Variants in SLC39A10 observed in about 807,000 individuals in gnomAD.
SLC39A10 encodes the protein zinc transporter ZIP10.
A neutral mutation model predicts 65.1 loss-of-function variants in SLC39A10; 13 were observed. The ratio of observed to expected loss-of-function variants is 0.20; its 90% CI spans 0.13 to 0.32. SLC39A10 has a LOEUF of 0.32. Among genes scored for constraint, SLC39A10 ranks in the 10% least tolerant of loss-of-function variants. The pLI, the probability that SLC39A10 is intolerant of heterozygous loss-of-function variation, is 1.00. For missense variants in SLC39A10, 831 were observed against 1,018.4 expected (o/e 0.82, Z 2.50); for synonymous variants, 321 against 342.2 (o/e 0.94, Z 0.68).
At position 195,680,916 on chromosome 2, in the gene SLC39A10, C is replaced by A; in HGVS notation, c.874C>A (p.Arg292Ser). 1 of 1,613,952 alleles carries A rather than the reference C, an allele frequency of 6.2e-7. No homozygotes were observed. The highest frequency in any genetic ancestry group is 1.1e-5 in the South Asian group (1 of 91,028). The change falls in exon 2 of 10, where the codon CGT becomes AGT. Residue 292 changes from arginine (R) to serine (S), a missense_variant. Physicochemically the swap from Arg to Ser is moderately radical, Grantham distance 110. This residue lies in a region of SLC39A10 where 446 missense variants were observed against 499.2 expected (regional missense o/e 0.89). Coordinates refer to ENST00000359634, the MANE Select transcript of SLC39A10 (RefSeq NM_020342.3). Reference protein sequence around the residue: ...LPERNGHDPGRGHQDLDPDNE... With the variant: ...LPERNGHDPGSGHQDLDPDNE... ...AGAACGTAATGGTCATGATCCTGGTCGTGGACACCAAGATCTTGATCCTGA... is the reference window on the plus strand; with the variant it reads ...AGAACGTAATGGTCATGATCCTGGTAGTGGACACCAAGATCTTGATCCTGA...
intron 4 of SLC39A10, among the ~76,000 whole-genome samples, 189 bp downstream of exon 4, chr2:195,706,974 A>G (rs1278278648): frequency 2.0e-5 from 3 of 152,168 alleles, no homozygotes; most frequent in African/African-American, 4.8e-5. Context: ...TTGAATCATT[A>G]GGTCAACTTT....
intron 2 of SLC39A10, among the ~76,000 whole-genome samples, chr2:195,650,975 G>A (rs1689018103): frequency 6.6e-6 from 1 of 151,814 alleles, no homozygotes; most frequent in South Asian, 2.1e-4. Flanking sequence ...GGTGGGAGGT[G>A]GAAGGATTTT....
intron 1 of SLC39A10, among the ~76,000 whole-genome samples, chr2:195,669,019 G>A (rs955877396): frequency 1.3e-5 from 2 of 150,678 alleles, no homozygotes; most frequent in African/African-American, 4.9e-5. Flanking sequence ...AGGTTGCAGT[G>A]AGCCGAGATC....
At chr2:195,721,997 AC>A (rs1219258653) in intron 8 of SLC39A10, among the ~76,000 whole-genome samples, 1 of 152,190 alleles carries the variant, frequency 6.6e-6, no homozygotes, top group Non-Finnish European at 1.5e-5. Flanking sequence ...GGAGTGACAC[AC>A]AAGGGCTGAT....
rs1692606551 is a variant in SLC39A10, at chr2:195,736,392, T to C, written c.*1351T>C. On this transcript the variant is annotated 3_prime_UTR_variant, in exon 10 of 10. Coordinates refer to ENST00000359634, the MANE Select transcript of SLC39A10 (RefSeq NM_020342.3). The stretch of plus-strand genomic sequence containing the variant: ...CATCCTATGCCACATGGTCTTCATT[T>C]ATGCCAGGTAAACTGTATTTGAACT... The C allele has an allele frequency of 1.2e-5, 2 of 166,722 alleles. No individual in the cohort carries two copies. Among genetic ancestry groups the C allele is most frequent in the African/African-American group, 4.8e-5 (2 of 41,470 alleles). The allele number at this position is 166,722 out of a possible 1,614,324, so 10.3% of individuals were successfully genotyped here.
chr2:195,729,290 A>AT lies in SLC39A10; in HGVS notation c.2337+946dup, dbSNP rs1235277112. ...AGCTACCACACCCGGCCCAGCCTAAATTTTTAATCACAGAATTAATGCCTA... is the reference window on the plus strand; with the variant it reads ...AGCTACCACACCCGGCCCAGCCTAAATTTTTTAATCACAGAATTAATGCCTA... On this transcript the variant is annotated intron_variant, in intron 9 of 9. Transcript: ENST00000359634. Among the ~76,000 whole-genome samples, 3 of 152,116 alleles carry AT rather than the reference A, an allele frequency of 2.0e-5. No homozygotes were observed. The East Asian group carries it at 5.8e-4, about 29-fold the overall frequency.
chr2:195,653,238 C>T (rs1350031367), upstream of SLC39A10, among the ~76,000 whole-genome samples: 1 of 151,688 alleles, frequency 6.6e-6, no homozygotes, highest in Non-Finnish European at 1.5e-5. Context: ...TACAAAAAGT[C>T]TCTTTCATCA....
intron 1 of SLC39A10, among the ~76,000 whole-genome samples, chr2:195,675,125 T>C (rs1015857550): frequency 6.6e-6 from 1 of 152,064 alleles, no homozygotes; most frequent in Non-Finnish European, 1.5e-5. Flanking sequence ...TTGAGGGAAA[T>C]ATTTTTCTCC....
chr2:195,689,842 T>A (rs1448542309), intron 3 of SLC39A10, among the ~76,000 whole-genome samples: 2 of 152,164 alleles, frequency 1.3e-5, no homozygotes, highest in Non-Finnish European at 2.9e-5. Context: ...TTATTTCACT[T>A]AGCATTATGT....
intron 9 of SLC39A10, among the ~76,000 whole-genome samples, chr2:195,732,627 A>T (rs1176512717): frequency 6.6e-6 from 1 of 152,244 alleles, no homozygotes; most frequent in Non-Finnish European, 1.5e-5. Flanking sequence ...AAGGAAAGTC[A>T]TAATGAAAAA....
At chr2:195,669,929 G>C (rs1689786933) in intron 1 of SLC39A10, among the ~76,000 whole-genome samples, 1 of 152,208 alleles carries the variant, frequency 6.6e-6, no homozygotes, top group South Asian at 2.1e-4. Flanking sequence ...GGGAGGCCAA[G>C]GCGGGTGGAT....
chr2:195,650,832 C>T (rs186661792), intron 2 of SLC39A10, among the ~76,000 whole-genome samples: 221 of 152,104 alleles, frequency 1.5e-3, no homozygotes, highest in African/African-American at 5.1e-3. Context: ...TTCTCCCTGC[C>T]TTCGTGTGCC....
intron 3 of SLC39A10, among the ~76,000 whole-genome samples, chr2:195,698,598 C>T (rs946342354): frequency 7.0e-4 from 106 of 151,854 alleles, no homozygotes; most frequent in African/African-American, 2.4e-3. Context: ...TTTCTTTATT[C>T]TGTTAATACA....
chr2:195,698,174 AG>A (rs1162092575), intron 3 of SLC39A10, among the ~76,000 whole-genome samples: 2 of 152,130 alleles, frequency 1.3e-5, no homozygotes, highest in African/African-American at 4.8e-5. Context: ...TATTAGAGAA[AG>A]TAGAGTACTT....
At chr2:195,723,793 A>G (rs1005252619) in intron 8 of SLC39A10, among the ~76,000 whole-genome samples, 4 of 152,144 alleles carry the variant, frequency 2.6e-5, no homozygotes, top group Non-Finnish European at 4.4e-5. Context: ...AAACTTACCT[A>G]TTGGGTACTG....
intron 3 of SLC39A10, among the ~76,000 whole-genome samples, chr2:195,692,358 AT>A (rs199952160): frequency 6.6e-6 from 1 of 151,202 alleles, no homozygotes; most frequent in African/African-American, 2.4e-5. Context: ...GAATTTTAAG[AT>A]TTTTTTTTCT....
chr2:195,685,611 C>T (rs1690495394), intron 3 of SLC39A10, among the ~76,000 whole-genome samples: 1 of 152,158 alleles, frequency 6.6e-6, no homozygotes, highest in Admixed American at 6.6e-5. Context: ...TCTAAACCCC[C>T]ATGCCTGACT....
rs1316144125 is a variant in SLC39A10 at position 195,737,158 on chromosome 2, G to C, written c.*2117G>C. Reference sequence around the variant, plus strand: ...TTCTTACAAATCTTTTAAGAGGGCTGTAACAGTTGCTGCTAGTATTAGGGT... The same window carrying C: ...TTCTTACAAATCTTTTAAGAGGGCTCTAACAGTTGCTGCTAGTATTAGGGT... On this transcript the variant is annotated 3_prime_UTR_variant, in exon 10 of 10. Coordinates refer to ENST00000359634, the MANE Select transcript of SLC39A10 (RefSeq NM_020342.3). 2.0e-5 allele frequency: 3 copies of C among 152,456 alleles called. No homozygotes were observed. Among genetic ancestry groups the C allele is most frequent in the African/African-American group, 7.3e-5 (3 of 41,274 alleles). The allele number at this position is 152,456 out of a possible 1,614,324, so 9.4% of individuals were successfully genotyped here.
chr2:195,613,474 T>C (rs1574471770), intron 2 of SLC39A10, among the ~76,000 whole-genome samples: 1 of 152,232 alleles, frequency 6.6e-6, no homozygotes, highest in East Asian at 1.9e-4. Flanking sequence ...TCTGATTATA[T>C]TCTTAGAGTG....
Sources: allele counts gnomAD v4.1 joint callset (sites outside exome capture counted in the v4.1 genomes callset), GRCh38; gene constraint gnomAD v4.1.1; regional missense constraint gnomAD v4.1.1; transcripts MANE v1.5; gene names NCBI Gene and HGNC (gene_info 2026-07-23, HGNC 2026-07-21).